Variants in HTR1F observed in about 807,000 individuals in gnomAD.
HTR1F encodes the protein 5-hydroxytryptamine (serotonin) receptor 1F, G protein-coupled.
Under a neutral mutation model 24.0 loss-of-function variants are expected in HTR1F, and 17 were observed. That is an observed-to-expected ratio of 0.71 (90% CI 0.48 to 1.06). HTR1F has a LOEUF of 1.06. Ranked by LOEUF, HTR1F falls within the 50% of genes least tolerant of loss-of-function variation. The pLI is 0.00. For synonymous variants in HTR1F, 186 were observed against 156.8 expected (o/e 1.19, Z -1.39); for missense variants, 391 against 427.8 (o/e 0.91, Z 0.76).
intron 1 of HTR1F, among the ~76,000 whole-genome samples, chr3:87,795,192 G>T (rs1164380842): frequency 6.6e-6 from 1 of 152,002 alleles, no homozygotes; most frequent in Non-Finnish European, 1.5e-5. Context: ...CACCATGTTG[G>T]CCAGGATGGT....
At chr3:87,903,350 G>A (rs1449298491) in intron 2 of HTR1F, among the ~76,000 whole-genome samples, 8 of 151,408 alleles carry the variant, frequency 5.3e-5, no homozygotes, top group African/African-American at 1.9e-4. Flanking sequence ...CCTACAGAAT[G>A]GGAGAAAATT....
chr3:87,970,972 T>C (rs1362251103), intron 2 of HTR1F, among the ~76,000 whole-genome samples: 1 of 152,204 alleles, frequency 6.6e-6, no homozygotes, highest in Admixed American at 6.5e-5. Flanking sequence ...TTCCTTCCTA[T>C]AGCAACTCTG....
intron 2 of HTR1F, among the ~76,000 whole-genome samples, chr3:87,950,446 CTTCA>C (rs1218919899): frequency 6.6e-6 from 1 of 151,604 alleles, no homozygotes; most frequent in African/African-American, 2.4e-5. Flanking sequence ...TCTTTCAACC[CTTCA>C]TTCATACATA....
At chr3:87,873,790 T>C (rs1352028321) in intron 2 of HTR1F, among the ~76,000 whole-genome samples, 1 of 152,134 alleles carries the variant, frequency 6.6e-6, no homozygotes, top group Non-Finnish European at 1.5e-5. Context: ...AATCAATCAA[T>C]GTGATACACC....
intron 2 of HTR1F, among the ~76,000 whole-genome samples, chr3:87,941,856 C>T (rs1337405592): frequency 6.6e-6 from 1 of 152,118 alleles, no homozygotes; most frequent in Admixed American, 6.5e-5. Flanking sequence ...AGATCTTGCA[C>T]TAACCTCCAC....
chr3:87,904,969 G>A (rs546872236), intron 2 of HTR1F, among the ~76,000 whole-genome samples: 2 of 152,128 alleles, frequency 1.3e-5, no homozygotes, highest in South Asian at 4.1e-4. Flanking sequence ...AAGCTGTGCA[G>A]TGATGAATTA....
In HTR1F at chr3:87,990,724, T is replaced by C. The variant is rs1303097956; in HGVS notation, c.-26T>C. 9 of 1,560,778 alleles carry C rather than the reference T, an allele frequency of 5.8e-6. No homozygotes were observed. In the Admixed American group the frequency reaches 8.7e-5, roughly 15 times the overall value. On this transcript the variant is annotated 5_prime_UTR_variant, in exon 3 of 3. Transcript: ENST00000319595. ...TTGTTACAGGTATCCATTTTTCAGCTATATTAATCTTTTAAAACAAAGAAA... is the reference window on the plus strand; with the variant it reads ...TTGTTACAGGTATCCATTTTTCAGCCATATTAATCTTTTAAAACAAAGAAA...
chr3:87,939,296 C>T (rs9816966), intron 2 of HTR1F, among the ~76,000 whole-genome samples: 61,522 of 151,882 alleles, frequency 0.41, 12,825 homozygotes, highest in African/African-American at 0.5. Context: ...TAAGGATTTT[C>T]GCGTTGATGT....
rs566107573 is a variant in HTR1F, at chr3:87,876,936, C to G, written c.-43+54812C>G. Among the ~76,000 whole-genome samples, 16 of 151,924 alleles carry G rather than the reference C, an allele frequency of 1.1e-4. No homozygotes were observed. In the South Asian group the frequency reaches 3.3e-3, roughly 32 times the overall value. On this transcript the variant is annotated intron_variant, in intron 2 of 2. Coordinates refer to ENST00000319595, the MANE Select transcript of HTR1F (RefSeq NM_001322209.2). Reference sequence around the variant, plus strand: ...AAAAATCACTAAGGTGGTAAATTTTCGTTAAGATGGTAAATTTTATGATAT... The same window carrying G: ...AAAAATCACTAAGGTGGTAAATTTTGGTTAAGATGGTAAATTTTATGATAT...
intron 2 of HTR1F, among the ~76,000 whole-genome samples, chr3:87,892,296 T>C (rs1706102061): frequency 6.6e-6 from 1 of 152,278 alleles, no homozygotes; most frequent in African/African-American, 2.4e-5. Flanking sequence ...CAAAAGTTAG[T>C]TTAATTCTGT....
chr3:87,793,273 AG>A (rs1703847141), intron 1 of HTR1F: 1 of 148,494 alleles, frequency 6.7e-6, no homozygotes, highest in African/African-American at 2.5e-5. Flanking sequence ...CAGCGGAAGG[AG>A]GGGAGAGTCT....
intron 2 of HTR1F, among the ~76,000 whole-genome samples, chr3:87,932,167 T>C (rs1276060134): frequency 1.3e-5 from 2 of 152,194 alleles, no homozygotes; most frequent in Non-Finnish European, 2.9e-5. Flanking sequence ...CTAGGGTTTT[T>C]ATGGTTTTAG....
At chr3:87,988,216 C>T (rs1705721248) in intron 2 of HTR1F, among the ~76,000 whole-genome samples, 1 of 152,004 alleles carries the variant, frequency 6.6e-6, no homozygotes, top group African/African-American at 2.4e-5. Context: ...ACTCCAAATT[C>T]AAGAACCACT....
chr3:87,971,610 G>A (rs1199963921), intron 2 of HTR1F, among the ~76,000 whole-genome samples: 2 of 152,008 alleles, frequency 1.3e-5, no homozygotes, highest in African/African-American at 4.8e-5. Context: ...TGCATAATGG[G>A]TGCAAAATTT....
intron 2 of HTR1F, among the ~76,000 whole-genome samples, chr3:87,988,607 G>A (rs1286528284): frequency 6.6e-6 from 1 of 152,148 alleles, no homozygotes; most frequent in Non-Finnish European, 1.5e-5. Context: ...TGTTTGAGAT[G>A]GTGTATCGCT....
chr3:87,892,742 C>T lies in HTR1F; in HGVS notation c.-43+70618C>T, dbSNP rs191751162. On this transcript the variant is annotated intron_variant, in intron 2 of 2. Coordinates refer to ENST00000319595, the MANE Select transcript of HTR1F (RefSeq NM_001322209.2). The stretch of plus-strand genomic sequence containing the variant: ...CATAAAACACAATTAATTATATTAT[C>T]GTGCGCCCTTTTGGGGCTTTTTTTT... Among the ~76,000 whole-genome samples, 1,017 of 152,092 alleles carry T rather than the reference C, an allele frequency of 6.7e-3. 7 individuals carry two copies. The highest frequency in any genetic ancestry group is 0.031 in the Middle Eastern group (9 of 294).
chr3:87,968,500 C>A (rs1705215350), intron 2 of HTR1F, among the ~76,000 whole-genome samples: 1 of 152,122 alleles, frequency 6.6e-6, no homozygotes, highest in Admixed American at 6.5e-5. Flanking sequence ...GCATGAACCA[C>A]CGCACCTGGC....
At chr3:87,901,775 G>T (rs1216495743) in intron 2 of HTR1F, among the ~76,000 whole-genome samples, 2 of 151,938 alleles carry the variant, frequency 1.3e-5, no homozygotes, top group Non-Finnish European at 2.9e-5. Flanking sequence ...AGGATATCTA[G>T]TTTCCTCTAT....
chr3:87,855,666 C>A (rs1157400388), intron 2 of HTR1F, among the ~76,000 whole-genome samples: 1 of 151,902 alleles, frequency 6.6e-6, no homozygotes, highest in Non-Finnish European at 1.5e-5. Flanking sequence ...TGTGAATTAC[C>A]CATAACCTAA....
Sources: allele counts gnomAD v4.1 joint callset (sites outside exome capture counted in the v4.1 genomes callset), GRCh38; gene constraint gnomAD v4.1.1; transcripts MANE v1.5; gene names NCBI Gene and HGNC (gene_info 2026-07-23, HGNC 2026-07-21).